LRBA: variants seen among roughly 807,000 people sequenced by gnomAD.
LRBA encodes the protein lipopolysaccharide-responsive and beige-like anchor protein.
LRBA carries 176 observed loss-of-function variants against 330.0 expected under a neutral mutation model. The ratio of observed to expected loss-of-function variants is 0.53; its 90% confidence interval spans 0.47 to 0.60. The LOEUF (loss-of-function observed/expected upper bound fraction) is 0.60, where lower values mean the gene tolerates loss of function less well. Ranked by LOEUF, LRBA falls within the 20% of genes least tolerant of loss-of-function variation. The probability of loss-of-function intolerance (pLI) is 0.00; values close to 1 mark genes in which losing one functional copy is unlikely to be tolerated. For synonymous variants in LRBA, 1,230 were observed against 1,193.0 expected (o/e 1.03, Z -0.64); for missense variants, 3,259 against 3,444.8 (o/e 0.95, Z 1.35).
chr4:150,976,372 A>G (rs988324061), intron 2 of LRBA, among the ~76,000 whole-genome samples: 1 of 152,190 alleles, frequency 6.6e-6, no homozygotes, highest in African/African-American at 2.4e-5. Flanking sequence ...CAGAGCTCAA[A>G]TAGCACAAAA....
At chr4:150,902,200 A>G (rs1468435100) in intron 13 of LRBA, among the ~76,000 whole-genome samples, 1 of 152,192 alleles carries the variant, frequency 6.6e-6, no homozygotes, top group African/African-American at 2.4e-5. Context: ...AAGCTTCACT[A>G]ATAAAGTAGG....
At chr4:150,571,062 C>T (rs1203455938) in intron 40 of LRBA, among the ~76,000 whole-genome samples, 3 of 152,120 alleles carry the variant, frequency 2.0e-5, no homozygotes, top group Non-Finnish European at 4.4e-5. Context: ...AACAGAAGCA[C>T]TGACACCAAA....
intron 17 of LRBA, among the ~76,000 whole-genome samples, chr4:150,886,993 C>T (rs1352230760): frequency 6.6e-6 from 1 of 152,022 alleles, no homozygotes; most frequent in Non-Finnish European, 1.5e-5. Context: ...AAAAGTTCTC[C>T]AAAAAGAAAT....
intron 40 of LRBA, among the ~76,000 whole-genome samples, chr4:150,502,664 G>A (rs1760435203): frequency 6.6e-6 from 1 of 152,254 alleles, no homozygotes; most frequent in African/African-American, 2.4e-5. Flanking sequence ...TTCCAACTGA[G>A]GTACCGGGTT....
chr4:150,559,869 ATATAATTATATATAATTATATATAATT>A (rs1292225804), intron 40 of LRBA, among the ~76,000 whole-genome samples: 1 of 17,822 alleles, frequency 5.6e-5, no homozygotes, highest in Non-Finnish European at 1.2e-4. Context: ...TATATATAAT[ATATAATTATATATAATTATATATAATT>A]ATATATAATT....
chr4:150,932,908 C>T (rs1304235440), intron 2 of LRBA, among the ~76,000 whole-genome samples: 1 of 151,604 alleles, frequency 6.6e-6, no homozygotes, highest in East Asian at 1.9e-4. Flanking sequence ...AGAGTGAGAC[C>T]TTGTCTCAAA....
In LRBA at chr4:150,590,759, A is replaced by G. The variant is rs765299285; in HGVS notation, c.6147T>C (p.Asp2049=). 2 of 1,614,014 alleles carry G rather than the reference A, an allele frequency of 1.2e-6. No homozygotes were observed. The highest frequency in any genetic ancestry group is 1.7e-6 in the Non-Finnish European group (2 of 1,179,976). Residue 2049 remains aspartate, a synonymous_variant, in exon 39 of 57, where the codon GAT becomes GAC. Transcript: ENST00000651943. ...TCTCATCCACGGATGACAGAGTATC[A>G]TCATCGCCTTCCAGGAGGATCTCGT... ...SENEILLEGD[D]DTLSSVDEKD...
intron 40 of LRBA, among the ~76,000 whole-genome samples, chr4:150,545,187 T>C (rs1284880565): frequency 2.0e-5 from 3 of 152,192 alleles, no homozygotes; most frequent in African/African-American, 7.2e-5. Context: ...ATTAATACCA[T>C]AATCAAGGTA....
Position 150,583,732 on chromosome 4 carries a change from G to C in LRBA, c.6330+4316C>G, listed in dbSNP as rs762897327. 1.1e-5 allele frequency: 17 copies of C among 1,613,542 alleles called. No homozygotes were observed. The South Asian group carries it at 1.8e-4, about 17-fold the overall frequency. On this transcript the variant is annotated intron_variant, in intron 40 of 56. Coordinates refer to ENST00000651943, the MANE Select transcript of LRBA (RefSeq NM_001364905.1). This position sits in a 1 kb window ranked among gnomAD's most constrained non-coding sequence, Gnocchi z 9.8. ...GAGCGACGCCTGGGTGCTACAGTTC[G>C]GGGAGGCGGAGAACCGCCTGCTGAT...
At chr4:150,517,926 T>C (rs1762532948) in intron 40 of LRBA, among the ~76,000 whole-genome samples, 1 of 152,208 alleles carries the variant, frequency 6.6e-6, no homozygotes, top group South Asian at 2.1e-4. Flanking sequence ...TAAGCACTTA[T>C]TATGCACTGT....
At chr4:150,809,577 A>C (rs1024669862) in intron 31 of LRBA, among the ~76,000 whole-genome samples, 1 of 152,206 alleles carries the variant, frequency 6.6e-6, no homozygotes, top group East Asian at 1.9e-4. Flanking sequence ...ATTTTTGGCC[A>C]GGTGCAGTGG....
intron 48 of LRBA, among the ~76,000 whole-genome samples, chr4:150,335,026 C>T (rs1478661661): frequency 6.6e-6 from 1 of 151,686 alleles, no homozygotes; most frequent in Non-Finnish European, 1.5e-5. Flanking sequence ...GATGGGGTTT[C>T]GCCATGTTGT....
chr4:150,943,053 T>G (rs1356855962), intron 2 of LRBA, among the ~76,000 whole-genome samples: 2 of 152,306 alleles, frequency 1.3e-5, no homozygotes, highest in East Asian at 1.9e-4. Flanking sequence ...TATTGTACCC[T>G]TCATAAGAGT....
chr4:150,832,639 G>A (rs967692233), intron 28 of LRBA, among the ~76,000 whole-genome samples: 1 of 152,102 alleles, frequency 6.6e-6, no homozygotes, highest in African/African-American at 2.4e-5. Context: ...ACAATGATAT[G>A]AGGATAACTG....
In LRBA at chr4:150,661,076, A is replaced by AT. The variant is rs530933181; in HGVS notation, c.5921+22474dup. Among the ~76,000 whole-genome samples, 823 of 71,152 alleles carry AT rather than the reference A, an allele frequency of 0.012. 78 individuals are homozygous for AT. The South Asian group carries it at 0.32, about 28-fold the overall frequency. The allele number at this position is 71,152 out of a possible 152,430, so 46.7% of individuals were successfully genotyped here. On this transcript the variant is annotated intron_variant, in intron 37 of 56. Transcript: ENST00000651943. ...CCAAGAATTATCAATAAAAAAATAA[A>AT]TTAAAAAAAAAAAAAAAAAAAAAAG...
At chr4:150,416,703 T>G (rs1181979901) in intron 46 of LRBA, among the ~76,000 whole-genome samples, 1 of 151,990 alleles carries the variant, frequency 6.6e-6, no homozygotes, top group Non-Finnish European at 1.5e-5. Flanking sequence ...CACAAAAATT[T>G]TAAGATTCTC....
intron 26 of LRBA, among the ~76,000 whole-genome samples, chr4:150,846,399 G>A (rs1438230591): frequency 6.6e-6 from 1 of 151,940 alleles, no homozygotes; most frequent in African/African-American, 2.4e-5. Flanking sequence ...GTGTGGTGGG[G>A]CACACCTGTA....
intron 42 of LRBA, among the ~76,000 whole-genome samples, chr4:150,484,746 C>T (rs1365979040): frequency 6.6e-6 from 1 of 151,796 alleles, no homozygotes; most frequent in Non-Finnish European, 1.5e-5. Context: ...TCCTCCTCCC[C>T]TCCCCCTTAC....
At chr4:150,919,038 G>T (rs1245330767) in intron 5 of LRBA, among the ~76,000 whole-genome samples, 2 of 152,112 alleles carry the variant, frequency 1.3e-5, no homozygotes, top group East Asian at 1.9e-4. Context: ...ATTAAATAAA[G>T]TATGGTATAT....
Sources: allele counts gnomAD v4.1 joint callset (sites outside exome capture counted in the v4.1 genomes callset), GRCh38; gene constraint gnomAD v4.1.1; non-coding constraint Gnocchi (gnomAD v3.1); transcripts MANE v1.5; gene names NCBI Gene and HGNC (gene_info 2026-07-23, HGNC 2026-07-21).